Variants in MTUS1 observed in about 807,000 individuals in gnomAD.
MTUS1 encodes the protein microtubule-associated tumor suppressor 1.
In MTUS1, 109 loss-of-function variants were observed where a neutral mutation model predicts 120.8. That is an observed-to-expected ratio of 0.90 (90% CI 0.77 to 1.06). The LOEUF (loss-of-function observed/expected upper bound fraction) is 1.06. Ranked by LOEUF, MTUS1 falls within the 50% of genes least tolerant of loss-of-function variation. The pLI is 0.00. For synonymous variants in MTUS1, 737 were observed against 550.5 expected, an observed-to-expected ratio of 1.34 and a Z score of -4.74; for missense variants, 2,210 against 1,486.3, an observed-to-expected ratio of 1.49 and a Z score of -8.01.
chr8:17,757,591 A>C (rs1257996595), intron 1 of MTUS1, among the ~76,000 whole-genome samples: 1 of 152,116 alleles, frequency 6.6e-6, no homozygotes, highest in Non-Finnish European at 1.5e-5. Flanking sequence ...CAGTGATGCA[A>C]TCTCGGCTCA....
At chr8:17,742,617 C>A (rs151070887) in intron 3 of MTUS1, among the ~76,000 whole-genome samples, 1,722 of 152,186 alleles carry the variant, frequency 0.011, 12 homozygotes, top group South Asian at 0.028. Context: ...TCCACTCACG[C>A]CTCTGTGGTC....
chr8:17,745,267 T>C (rs765447050), intron 2 of MTUS1, among the ~76,000 whole-genome samples: 6 of 152,206 alleles, frequency 3.9e-5, no homozygotes, highest in African/African-American at 9.6e-5. Context: ...TCAAAATCCA[T>C]GGACACTCAA....
At chr8:17,747,463 T>TA (rs1259775354) in intron 2 of MTUS1, among the ~76,000 whole-genome samples, 1 of 152,064 alleles carries the variant, frequency 6.6e-6, no homozygotes, top group East Asian at 1.9e-4. Flanking sequence ...ACTGTATTGA[T>TA]AGAGGCAGGA....
chr8:17,729,854 G>T (rs1046139442), intron 3 of MTUS1, among the ~76,000 whole-genome samples: 2 of 151,896 alleles, frequency 1.3e-5, no homozygotes, highest in Admixed American at 1.3e-4. Flanking sequence ...GACTCGAATA[G>T]ACATTTCTCC....
chr8:17,779,789 G>A (rs1563379837), intron 1 of MTUS1, among the ~76,000 whole-genome samples: 1 of 152,188 alleles, frequency 6.6e-6, no homozygotes, highest in Non-Finnish European at 1.5e-5. Flanking sequence ...TGTTGGAGGG[G>A]GGGCGGGGGC....
intron 2 of MTUS1, among the ~76,000 whole-genome samples, chr8:17,749,979 T>C (rs3862101): frequency 0.71 from 108,278 of 152,028 alleles, 41,176 homozygotes; most frequent in Middle Eastern, 0.87. Flanking sequence ...CTGAGCTCAA[T>C]AGAGACTTAG....
chr8:17,709,265 G>A (rs578125896), intron 6 of MTUS1, among the ~76,000 whole-genome samples: 1 of 152,040 alleles, frequency 6.6e-6, no homozygotes, highest in Non-Finnish European at 1.5e-5. Flanking sequence ...ATGATGTAAT[G>A]TTATCCCACC....
At chr8:17,771,222 C>T (rs2049998915) in intron 1 of MTUS1, among the ~76,000 whole-genome samples, 1 of 152,092 alleles carries the variant, frequency 6.6e-6, no homozygotes, top group Non-Finnish European at 1.5e-5. Flanking sequence ...AGGAAAAGTT[C>T]CTGAAAGATA....
At chr8:17,659,273 AGAG>A (rs527576322) in intron 8 of MTUS1, among the ~76,000 whole-genome samples, 67 of 152,350 alleles carry the variant, frequency 4.4e-4, no homozygotes, top group African/African-American at 1.6e-3. Flanking sequence ...GACAACAGAC[AGAG>A]GAGAAGTGGC....
intron 4 of MTUS1, chr8:17,722,114 C>T: frequency 2.3e-5 from 29 of 1,275,164 alleles, no homozygotes; most frequent in Non-Finnish European, 2.8e-5. Flanking sequence ...AGGAACACAT[C>T]GCCACTAGAC....
chr8:17,715,895 T>C lies in MTUS1; in HGVS notation c.2456A>G (p.Asn819Ser). ...CTCCTCATATTTGATGACAGCGGCA[T>C]TACCAGCTGTAATAAAACAGAAAAG... is the stretch of plus-strand genomic sequence containing the variant. ...ELSTYSNNSG[N>S]AAVIKYEEKP... is the part of the protein sequence containing the mutation. Residue 819 changes from asparagine to serine, a missense_variant, in exon 5 of 15, where the codon AAT becomes AGT. By Grantham distance (46) the Asn-to-Ser change is conservative (BLOSUM62 1). Transcript: ENST00000693296. The C allele has an allele frequency of 1.2e-6, 2 of 1,609,938 alleles. No homozygotes were observed. The highest frequency in any genetic ancestry group is 1.7e-6 in the Non-Finnish European group (2 of 1,178,928).
rs745466245 is a variant in MTUS1, at chr8:17,721,746, T to C, written c.2449+1926A>G. ...CAGTAAACGTGGCTAACAAAGGAAT[T>C]ATACAAAGGCTGTACGATCCCACGA... On this transcript the variant is annotated intron_variant, in intron 4 of 14. Coordinates refer to ENST00000693296, the MANE Select transcript of MTUS1 (RefSeq NM_001363059.2). 67 of 1,603,512 alleles carry C rather than the reference T, an allele frequency of 4.2e-5. 1 individual carries two copies. In the South Asian group the frequency reaches 7.4e-4, roughly 18 times the overall value.
intron 1 of MTUS1, among the ~76,000 whole-genome samples, chr8:17,781,257 T>C (rs774433485): frequency 6.6e-6 from 1 of 152,236 alleles, no homozygotes; most frequent in Non-Finnish European, 1.5e-5. Context: ...AAAGATTTTG[T>C]CTGAATTTCC....
chr8:17,743,596 A>C lies in MTUS1; in HGVS notation c.2287+8T>G. The C allele has an allele frequency of 6.2e-7, 1 of 1,610,032 alleles. No homozygotes were observed. Among genetic ancestry groups the C allele is most frequent in the East Asian group, 2.2e-5 (1 of 44,822 alleles). Reference sequence around the variant, plus strand: ...AACTCATAAACTATTGAACTATTTTATTCTTACCAGAACTGGACACACGCC... The same window carrying C: ...AACTCATAAACTATTGAACTATTTTCTTCTTACCAGAACTGGACACACGCC... On this transcript the variant is annotated splice_region_variant and intron_variant, in intron 3 of 14. Transcript: ENST00000693296.
intron 1 of MTUS1, among the ~76,000 whole-genome samples, chr8:17,760,170 C>T (rs2048930464): frequency 6.6e-6 from 1 of 151,106 alleles, no homozygotes; most frequent in Non-Finnish European, 1.5e-5. Context: ...AAGCTATGAT[C>T]ATGCCACCAC....
At chr8:17,705,282 C>T (rs1282525466) in intron 6 of MTUS1, among the ~76,000 whole-genome samples, 1 of 152,132 alleles carries the variant, frequency 6.6e-6, no homozygotes, top group African/African-American at 2.4e-5. Flanking sequence ...CCATGCACAG[C>T]CTGTTTCTAA....
At chr8:17,777,515 C>A (rs184750390) in intron 1 of MTUS1, among the ~76,000 whole-genome samples, 1 of 151,754 alleles carries the variant, frequency 6.6e-6, no homozygotes, top group African/African-American at 2.4e-5. Context: ...TAAATCCAGG[C>A]GCTGTGCATC....
intron 6 of MTUS1, among the ~76,000 whole-genome samples, chr8:17,712,800 GT>G (rs56129341): frequency 0.97 from 146,781 of 152,016 alleles, 70,997 homozygotes; most frequent in Non-Finnish European, 0.99. Flanking sequence ...TCTTGGGAAT[GT>G]TAAGTCCAGT....
chr8:17,646,930 G>A, intron 14 of MTUS1, 52 bp downstream of exon 14: 1 of 1,340,738 alleles, frequency 7.5e-7, no homozygotes, highest in Non-Finnish European at 1.1e-6. Flanking sequence ...AAGTACACTG[G>A]ATGTCCAAGG....
Sources: allele counts gnomAD v4.1 joint callset (sites outside exome capture counted in the v4.1 genomes callset), GRCh38; gene constraint gnomAD v4.1.1; transcripts MANE v1.5; gene names NCBI Gene and HGNC (gene_info 2026-07-23, HGNC 2026-07-21).